Variants in MAPK10 observed in about 807,000 individuals in gnomAD.
The protein encoded by MAPK10 is mitogen-activated protein kinase 10, also known as JNK3 alpha protein kinase.
Under a neutral mutation model 59.3 loss-of-function variants are expected in MAPK10, and 25 were observed. The ratio of observed to expected loss-of-function variants is 0.42; its 90% confidence interval spans 0.31 to 0.59. The LOEUF is 0.59. Ranked by LOEUF, MAPK10 falls within the 20% of genes least tolerant of loss-of-function variation. The pLI is 0.15. For synonymous variants in MAPK10, 190 were observed against 200.5 expected, an observed-to-expected ratio of 0.95 and a Z score of 0.44; for missense variants, 351 against 568.9, an observed-to-expected ratio of 0.62 and a Z score of 3.90.
chr4:86,228,747 A>G (rs940322505), intron 2 of MAPK10, among the ~76,000 whole-genome samples: 4 of 151,968 alleles, frequency 2.6e-5, no homozygotes, highest in African/African-American at 9.7e-5. Flanking sequence ...TTGTATCCCC[A>G]GCACTTTACA....
At position 86,102,226 on chromosome 4, in the gene MAPK10, A is replaced by T. The variant is rs899061106; in HGVS notation, c.426-194T>A. 4 of 467,176 alleles carry T rather than the reference A, an allele frequency of 8.6e-6. No homozygotes were observed. In the Admixed American group the frequency reaches 1.4e-4, roughly 17 times the overall value. The allele number at this position is 467,176 out of a possible 1,614,324, so 28.9% of individuals were successfully genotyped here. ...AACCCTACCAAAAGGTTGCTAGTAG[A>T]AAAAGCATTTATTAATGTCTGGTTC... On this transcript the variant is annotated intron_variant, in intron 6 of 13. Coordinates refer to ENST00000641462, the MANE Select transcript of MAPK10 (RefSeq NM_138982.4).
At chr4:86,504,007 T>C (rs1755527138) in intron 1 of MAPK10, among the ~76,000 whole-genome samples, 1 of 152,102 alleles carries the variant, frequency 6.6e-6, no homozygotes, top group African/African-American at 2.4e-5. Flanking sequence ...CAAATGTCTA[T>C]ACAAATGTCA....
In MAPK10 at chr4:86,419,790, G is replaced by T. The variant is rs116879500; in HGVS notation, c.-122+33240C>A. 1.6e-4 allele frequency among the ~76,000 whole-genome samples: 25 copies of T among 152,128 alleles called. No individual in the cohort carries two copies. In the East Asian group the frequency reaches 4.8e-3, roughly 29 times the overall value. ...CCCTCCTAGGAATCTTTCTTATTCAGTGGCACCAGCTAATATCCATGACAG... is the reference window on the plus strand; with the variant it reads ...CCCTCCTAGGAATCTTTCTTATTCATTGGCACCAGCTAATATCCATGACAG... On this transcript the variant is annotated intron_variant, in intron 1 of 13. Transcript: ENST00000361569.
intron 1 of MAPK10, among the ~76,000 whole-genome samples, chr4:86,425,748 G>A (rs147312437): frequency 0.011 from 1,744 of 152,286 alleles, 11 homozygotes; most frequent in Non-Finnish European, 0.014. Flanking sequence ...CAAGGCAGGC[G>A]GATCACATGA....
chr4:86,195,556 T>C (rs1444521429), intron 2 of MAPK10, among the ~76,000 whole-genome samples: 1 of 151,398 alleles, frequency 6.6e-6, no homozygotes, highest in East Asian at 1.9e-4. Flanking sequence ...TGACTAGAAC[T>C]TTACTTCTTT....
intron 3 of MAPK10, among the ~76,000 whole-genome samples, chr4:86,190,122 T>C (rs919315204): frequency 2.0e-5 from 3 of 152,132 alleles, no homozygotes; most frequent in Non-Finnish European, 2.9e-5. Flanking sequence ...AGATAAGCTT[T>C]TTGATGTGCT....
At chr4:86,422,260 C>T (rs569025558) in intron 1 of MAPK10, among the ~76,000 whole-genome samples, 7 of 152,196 alleles carry the variant, frequency 4.6e-5, no homozygotes, top group Admixed American at 1.3e-4. Context: ...AATATACAGG[C>T]GTTTTAACTG....
intron 11 of MAPK10, among the ~76,000 whole-genome samples, chr4:86,060,291 T>G (rs769512029): frequency 1.3e-5 from 2 of 152,186 alleles, no homozygotes; most frequent in African/African-American, 4.8e-5. Flanking sequence ...CCTCTCCTGC[T>G]CCCTCTCCCT....
chr4:86,544,326 G>A (rs1462287962), intron 1 of MAPK10, among the ~76,000 whole-genome samples: 1 of 152,212 alleles, frequency 6.6e-6, no homozygotes, highest in Non-Finnish European at 1.5e-5. Flanking sequence ...GCATCGACAT[G>A]ATTTGTGGTT....
intron 1 of MAPK10, among the ~76,000 whole-genome samples, chr4:86,444,669 A>G (rs916280391): frequency 2.5e-4 from 38 of 151,586 alleles, no homozygotes; most frequent in Middle Eastern, 3.4e-3. Flanking sequence ...CAATCTATCC[A>G]TTTCTCAAAG....
chr4:86,415,465 G>C (rs950320044), intron 1 of MAPK10, among the ~76,000 whole-genome samples: 1 of 152,156 alleles, frequency 6.6e-6, no homozygotes, highest in South Asian at 2.1e-4. Flanking sequence ...GGAAAAACGG[G>C]TATTGTGAAT....
chr4:86,548,859 G>A (rs1565025318), intron 1 of MAPK10, among the ~76,000 whole-genome samples: 1 of 152,138 alleles, frequency 6.6e-6, no homozygotes, highest in Non-Finnish European at 1.5e-5. Flanking sequence ...CTGTGATATG[G>A]AAAGACTAAA....
intron 3 of MAPK10, among the ~76,000 whole-genome samples, chr4:86,180,563 A>C (rs1582083382): frequency 6.6e-6 from 1 of 151,894 alleles, no homozygotes; most frequent in African/African-American, 2.4e-5. Context: ...TGTTTACTGC[A>C]CTATTCACAA....
At chr4:86,323,176 C>T (rs28434311) in intron 2 of MAPK10, among the ~76,000 whole-genome samples, 39,195 of 151,982 alleles carry the variant, frequency 0.26, 5,251 homozygotes, top group South Asian at 0.43. Flanking sequence ...AGGGAGCCTC[C>T]GTCTCAAAGA....
intron 1 of MAPK10, among the ~76,000 whole-genome samples, chr4:86,377,637 G>A (rs1243909686): frequency 6.6e-6 from 1 of 152,162 alleles, no homozygotes; most frequent in African/African-American, 2.4e-5. Context: ...AATACTGAAT[G>A]AATCGGTGAA....
intron 1 of MAPK10, among the ~76,000 whole-genome samples, chr4:86,424,276 A>C (rs1746972986): frequency 6.6e-6 from 1 of 151,584 alleles, no homozygotes; most frequent in South Asian, 2.1e-4. Flanking sequence ...TGCAACCTCC[A>C]CCTCCCAGGT....
At chr4:86,364,331 G>A (rs377591260), upstream of MAPK10, among the ~76,000 whole-genome samples, 9 of 152,136 alleles carry the variant, frequency 5.9e-5, no homozygotes, top group East Asian at 1.2e-3. Flanking sequence ...GTTTCACCAT[G>A]TTGCCCAGGC....
chr4:86,266,248 C>T lies in MAPK10; in HGVS notation c.-6-71841G>A, dbSNP rs145334405. Among the ~76,000 whole-genome samples, 882 of 152,212 alleles carry T rather than the reference C, an allele frequency of 5.8e-3. 8 individuals carry two copies. The highest frequency in any genetic ancestry group is 0.02 in the African/African-American group (831 of 41,534). On this transcript the variant is annotated intron_variant, in intron 2 of 13. Transcript: ENST00000641462. ...GAGCTCCCAAGATATGTGAAATAAG[C>T]CAATCACAGTAAGATTTGGTTTTTC...
At position 86,209,665 on chromosome 4, in the gene MAPK10, G is replaced by A. The variant is rs578067797; in HGVS notation, c.-6-15258C>T. Among the ~76,000 whole-genome samples, 5 of 152,100 alleles carry A rather than the reference G, an allele frequency of 3.3e-5. No individual in the cohort carries two copies. In the South Asian group the frequency reaches 1.0e-3, roughly 31 times the overall value. ...GAAAAATAGTCAATGTTTATGTATT[G>A]GAGGAATCAATACTGTTAAAATGTC... On this transcript the variant is annotated intron_variant, in intron 2 of 13. Coordinates refer to ENST00000641462, the MANE Select transcript of MAPK10 (RefSeq NM_138982.4).
Sources: gnomAD v4.1 joint callset for allele counts (sites outside exome capture counted in the v4.1 genomes callset) on GRCh38, gnomAD v4.1.1 for gene constraint, MANE v1.5 for transcripts, NCBI Gene and HGNC (gene_info 2026-07-23, HGNC 2026-07-21) for gene names.